KLF7: variants seen among roughly 807,000 people sequenced by gnomAD.
KLF7 encodes Krueppel-like factor 7.
KLF7 carries 2 observed loss-of-function variants against 27.3 expected under a neutral mutation model. The ratio of observed to expected loss-of-function variants is 0.07; its 90% CI spans 0.03 to 0.23. KLF7 has a LOEUF of 0.23. Ranked by LOEUF, KLF7 falls within the 10% of genes least tolerant of loss-of-function variation. KLF7 has a pLI of 1.00. For missense variants in KLF7, 221 were observed against 394.1 expected (o/e 0.56, Z 3.72); for synonymous variants, 165 against 162.4 (o/e 1.02, Z -0.12).
Position 207,077,746 on chromosome 2 carries a change from G to C in KLF7, c.*3467C>G, listed in dbSNP as rs763116575. On this transcript the variant is annotated 3_prime_UTR_variant, in exon 4 of 4. Transcript: ENST00000309446. ...TATAATTTCAGGTTTCCATGTCTAT[G>C]ACTTACAGTCATGTGGCAGGAGAAA... is the stretch of plus-strand genomic sequence containing the variant. 1.3e-5 allele frequency: 2 copies of C among 151,872 alleles called. No individual in the cohort carries two copies. The highest frequency in any genetic ancestry group is 4.8e-5 in the African/African-American group (2 of 41,332). The allele number at this position is 151,872 out of a possible 1,614,324, so 9.4% of individuals were successfully genotyped here.
Position 207,165,877 on chromosome 2 carries a change from C to A in KLF7, c.-309G>T. On this transcript the variant is annotated 5_prime_UTR_variant, in exon 1 of 4. Transcript: ENST00000309446. ...ATTCCCTTCCAGGGCTCTAATCACT[C>A]CAGCTCGTGGATCAGGAAGGGGGAT... 2 of 1,192,302 alleles carry A rather than the reference C, an allele frequency of 1.7e-6. No individual in the cohort carries two copies. The highest frequency in any genetic ancestry group is 6.1e-5 in the South Asian group (2 of 32,734). The allele number at this position is 1,192,302 out of a possible 1,614,324, so 73.9% of individuals were successfully genotyped here.
intron 2 of KLF7, among the ~76,000 whole-genome samples, chr2:207,114,463 G>A (rs535605452): frequency 9.9e-5 from 15 of 152,280 alleles, no homozygotes; most frequent in African/African-American, 3.6e-4. Context: ...CACACGAAAT[G>A]AAGACAGAAA....
intron 2 of KLF7, among the ~76,000 whole-genome samples, chr2:207,110,404 C>A (rs1385508690): frequency 6.6e-6 from 1 of 152,206 alleles, no homozygotes; most frequent in African/African-American, 2.4e-5. Context: ...TTTTTGGTAA[C>A]GAGGAAGCAA....
At position 207,165,752 on chromosome 2, in the gene KLF7, G is replaced by T; in HGVS notation, c.-184C>A. On this transcript the variant is annotated 5_prime_UTR_variant, in exon 1 of 4. Transcript: ENST00000309446. ...TCAATGCAGGAGAGGGAGAGAGGAG[G>T]TGAGAGAGGAGCGAGTGAGTGGGGT... 1 of 1,442,598 alleles carries T rather than the reference G, an allele frequency of 6.9e-7. No homozygotes were observed. The highest frequency in any genetic ancestry group is 9.1e-7 in the Non-Finnish European group (1 of 1,104,598). The allele number at this position is 1,442,598 out of a possible 1,614,324, so 89.4% of individuals were successfully genotyped here.
chr2:207,133,940 A>C, intron 1 of KLF7: 1 of 577,658 alleles, frequency 1.7e-6, no homozygotes, highest in Non-Finnish European at 2.8e-6. Context: ...AGTAACAGGG[A>C]AAGGTCTGAC....
intron 2 of KLF7, among the ~76,000 whole-genome samples, chr2:207,100,155 A>G (rs1215730046): frequency 6.9e-6 from 1 of 144,786 alleles, no homozygotes; most frequent in Non-Finnish European, 1.5e-5. Flanking sequence ...GAAGAGCCCA[A>G]ATTAGATAAT....
intron 1 of KLF7, among the ~76,000 whole-genome samples, chr2:207,142,388 T>G (rs1207486931): frequency 6.6e-6 from 1 of 152,196 alleles, no homozygotes; most frequent in Non-Finnish European, 1.5e-5. Flanking sequence ...AATTCAACAG[T>G]TATTTACTGA....
At chr2:207,147,482 C>T (rs981295185) in intron 1 of KLF7, among the ~76,000 whole-genome samples, 3 of 152,168 alleles carry the variant, frequency 2.0e-5, no homozygotes, top group Admixed American at 1.3e-4. Flanking sequence ...TATCAGCATA[C>T]ATAATAGACA....
Position 207,074,318 on chromosome 2 carries a change from CG to C in KLF7, c.*6894del, listed in dbSNP as rs57514992. Reference sequence around the variant, plus strand: ...TTCCTGTGAATGACACCACTTCTCTCGGGGAATCGCTGAGCTCGGGATGCTG... The same window carrying C: ...TTCCTGTGAATGACACCACTTCTCTCGGGAATCGCTGAGCTCGGGATGCTG... On this transcript the variant is annotated 3_prime_UTR_variant, in exon 4 of 4. Coordinates refer to ENST00000309446, the MANE Select transcript of KLF7 (RefSeq NM_003709.4). The C allele has an allele frequency of 0.01, 1,542 of 152,232 alleles. 34 individuals are homozygous for C. The highest frequency in any genetic ancestry group is 0.035 in the African/African-American group (1,463 of 41,526). The allele number at this position is 152,232 out of a possible 1,614,324, so 9.4% of individuals were successfully genotyped here.
chr2:207,100,124 G>A (rs143437836), intron 2 of KLF7, among the ~76,000 whole-genome samples: 2,900 of 142,504 alleles, frequency 0.02, 102 homozygotes, highest in Admixed American at 0.092. Context: ...GTGACAGAGC[G>A]AGACCATGTC....
intron 1 of KLF7, chr2:207,134,285 C>T (rs1264660383): frequency 1.3e-5 from 8 of 599,914 alleles, no homozygotes; most frequent in Non-Finnish European, 1.7e-5. Context: ...CAGACACATA[C>T]GATTACTTCT....
chr2:207,098,693 C>T (rs1183244443), intron 2 of KLF7, among the ~76,000 whole-genome samples: 1 of 151,332 alleles, frequency 6.6e-6, no homozygotes, highest in Admixed American at 6.6e-5. Context: ...GGGGTGCAAT[C>T]ACAACTCACT....
At chr2:207,163,466 G>A (rs1400978980) in intron 1 of KLF7, among the ~76,000 whole-genome samples, 2 of 152,206 alleles carry the variant, frequency 1.3e-5, no homozygotes, top group Non-Finnish European at 2.9e-5. Context: ...GGAAACAATA[G>A]ATCTAATACA....
intron 1 of KLF7, among the ~76,000 whole-genome samples, chr2:207,155,116 C>T (rs2078346979): frequency 2.0e-5 from 3 of 152,198 alleles, no homozygotes; most frequent in African/African-American, 7.2e-5. Context: ...TGATTTTAAG[C>T]AAGCCATTCA....
intron 1 of KLF7, among the ~76,000 whole-genome samples, chr2:207,159,216 A>G: frequency 6.6e-6 from 1 of 152,220 alleles, no homozygotes; most frequent in Middle Eastern, 3.2e-3. Flanking sequence ...TGGCACAGAC[A>G]TGGGCACTGT....
intron 1 of KLF7, among the ~76,000 whole-genome samples, chr2:207,142,934 G>A (rs528608990): frequency 6.6e-6 from 1 of 152,300 alleles, no homozygotes; most frequent in East Asian, 1.9e-4. Flanking sequence ...TGTTTCTCTA[G>A]ATCTTCAGTG....
In KLF7 at chr2:207,111,700, C is replaced by G. The variant is rs948146505; in HGVS notation, c.733+12074G>C. 1.4e-4 allele frequency among the ~76,000 whole-genome samples: 22 copies of G among 152,190 alleles called. 1 individual carries two copies. The highest frequency in any genetic ancestry group is 5.1e-4 in the African/African-American group (21 of 41,448). On this transcript the variant is annotated intron_variant, in intron 2 of 3. Coordinates refer to ENST00000309446, the MANE Select transcript of KLF7 (RefSeq NM_003709.4). The stretch of plus-strand genomic sequence containing the variant: ...GCATGCTTGCTTGTATGCCTGCACT[C>G]TCACTATTGTTTTAAACATGGAGAC...
chr2:207,154,798 G>A (rs768581042), intron 1 of KLF7, among the ~76,000 whole-genome samples: 2 of 152,210 alleles, frequency 1.3e-5, no homozygotes, highest in Non-Finnish European at 2.9e-5. Context: ...GAGATGTTAA[G>A]TGACTTTCTC....
chr2:207,130,119 C>T (rs57253161), intron 1 of KLF7, among the ~76,000 whole-genome samples: 2 of 135,176 alleles, frequency 1.5e-5, no homozygotes, highest in African/African-American at 2.6e-5. Flanking sequence ...ATTTCCCCTA[C>T]GACCCTTACC....
Sources: allele counts gnomAD v4.1 joint callset (sites outside exome capture counted in the v4.1 genomes callset), GRCh38; gene constraint gnomAD v4.1.1; transcripts MANE v1.5; gene names NCBI Gene and HGNC (gene_info 2026-07-23, HGNC 2026-07-21).